Variants in MPP7 observed in about 807,000 individuals in gnomAD.
MPP7 encodes MAGUK p55 subfamily member 7.
MPP7 carries 60 observed loss-of-function variants against 76.5 expected under a neutral mutation model. That is an observed-to-expected ratio of 0.78 (90% CI 0.64 to 0.97). The LOEUF (loss-of-function observed/expected upper bound fraction) is 0.97. MPP7 is among the 50% of genes least tolerant of loss of function. The pLI, the probability that MPP7 is intolerant of heterozygous loss-of-function variation, is 0.00. For missense variants in MPP7, 641 were observed against 694.0 expected, an observed-to-expected ratio of 0.92 and a Z score of 0.86; for synonymous variants, 237 against 244.5, an observed-to-expected ratio of 0.97 and a Z score of 0.29.
intron 1 of MPP7, among the ~76,000 whole-genome samples, chr10:28,260,704 G>A (rs952152763): frequency 1.3e-5 from 2 of 150,354 alleles, no homozygotes; most frequent in East Asian, 1.9e-4. Context: ...CCTAGGAGGC[G>A]GAGGTTGCAG....
chr10:28,182,612 C>T (rs1314768964), intron 3 of MPP7, among the ~76,000 whole-genome samples: 1 of 152,178 alleles, frequency 6.6e-6, no homozygotes, highest in African/African-American at 2.4e-5. Flanking sequence ...GATTTCCAGA[C>T]ATATGACTCT....
Position 28,059,654 on chromosome 10 carries a change from T to C in MPP7, c.1294A>G (p.Asn432Asp). ...TTCTCAAAAATGTCCACATACTTGTTATTTTGTACATCTGTCTCAAACAAA... is the reference window on the plus strand; with the variant it reads ...TTCTCAAAAATGTCCACATACTTGTCATTTTGTACATCTGTCTCAAACAAA... ...KHLFETDVQN[N>D]KFIEYGEYKN... is the part of the protein sequence containing the mutation. Residue 432 changes from asparagine to aspartate, a missense_variant, in exon 14 of 17, where the codon AAC (asparagine) becomes GAC (aspartate). Asn to Asp is a conservative substitution (Grantham distance 23). Transcript: ENST00000683449. 7 of 1,610,290 alleles carry C rather than the reference T, an allele frequency of 4.3e-6. No individual in the cohort carries two copies. Among genetic ancestry groups the C allele is most frequent in the Non-Finnish European group, 5.9e-6 (7 of 1,176,860 alleles).
intron 1 of MPP7, 88 bp from the exon 2 acceptor site, chr10:28,238,823 A>C: frequency 3.4e-6 from 2 of 582,016 alleles, no homozygotes; most frequent in Non-Finnish European, 6.1e-6. Flanking sequence ...TTCTCATCCC[A>C]ATCACTATTG....
intron 2 of MPP7, among the ~76,000 whole-genome samples, chr10:28,316,641 T>G (rs1236623977): frequency 6.6e-5 from 10 of 152,022 alleles, no homozygotes; most frequent in Non-Finnish European, 1.2e-4. Context: ...TCTGTAAATC[T>G]AAAACTGCTC....
chr10:28,260,794 AT>A (rs1384099860), intron 1 of MPP7, among the ~76,000 whole-genome samples: 172 of 141,538 alleles, frequency 1.2e-3, no homozygotes, highest in African/African-American at 4.1e-3. Context: ...AAAAAAAAAA[AT>A]TTTTTTTAAA....
upstream of MPP7, among the ~76,000 whole-genome samples, chr10:28,305,221 G>A (rs1841245342): frequency 2.0e-5 from 3 of 152,214 alleles, no homozygotes; most frequent in Admixed American, 6.5e-5. Flanking sequence ...CAGGAACAGA[G>A]AGAAAGCCAG....
intron 3 of MPP7, among the ~76,000 whole-genome samples, chr10:28,152,590 C>T (rs116224641): frequency 0.016 from 2,430 of 152,300 alleles, 22 homozygotes; most frequent in African/African-American, 0.024. Context: ...CCACTGGCCA[C>T]GTGTGGCTTT....
intron 2 of MPP7, among the ~76,000 whole-genome samples, chr10:28,323,609 C>T (rs1017653817): frequency 1.3e-5 from 2 of 152,062 alleles, no homozygotes; most frequent in East Asian, 1.9e-4. Flanking sequence ...CTTGGGGAGG[C>T]TAAGGTGAAG....
intron 2 of MPP7, among the ~76,000 whole-genome samples, chr10:28,230,441 T>C (rs1838841712): frequency 6.6e-6 from 1 of 151,632 alleles, no homozygotes; most frequent in African/African-American, 2.4e-5. Flanking sequence ...TACTCAGTGC[T>C]AACAGAAAAA....
In MPP7 at chr10:28,182,865, G is replaced by T. The variant is rs538464553; in HGVS notation, c.156+19288C>A. On this transcript the variant is annotated intron_variant, in intron 3 of 16. Transcript: ENST00000683449. ...GGCCAAGGCGGGTGGATCACCTGAG[G>T]TCAGGAGTTCGAGACCATCCTGACC... Among the ~76,000 whole-genome samples, 4 of 152,316 alleles carry T rather than the reference G, an allele frequency of 2.6e-5. No homozygotes were observed. The East Asian group carries it at 7.7e-4, about 29-fold the overall frequency.
At chr10:28,176,335 G>A (rs1482699285) in intron 3 of MPP7, among the ~76,000 whole-genome samples, 1 of 147,096 alleles carries the variant, frequency 6.8e-6, no homozygotes, top group South Asian at 2.3e-4. Context: ...CAGTGCAGTT[G>A]GGTCAAAAAC....
chr10:28,276,844 A>G (rs1840515196), intron 1 of MPP7, among the ~76,000 whole-genome samples: 1 of 152,098 alleles, frequency 6.6e-6, no homozygotes, highest in Admixed American at 6.5e-5. Flanking sequence ...TAGGAATAAT[A>G]GCCCTATCGT....
At position 28,146,875 on chromosome 10, in the gene MPP7, A is replaced by G. The variant is rs77895411; in HGVS notation, c.315+608T>C. ...TGCAGTAATGACTTCAGAATAATGTAGGAAAATTCTGAAATGCCTGCTGTA... is the reference window on the plus strand; with the variant it reads ...TGCAGTAATGACTTCAGAATAATGTGGGAAAATTCTGAAATGCCTGCTGTA... On this transcript the variant is annotated intron_variant, in intron 5 of 16. Coordinates refer to ENST00000683449, the MANE Select transcript of MPP7 (RefSeq NM_001318170.2). Among the ~76,000 whole-genome samples, 944 of 152,322 alleles carry G rather than the reference A, an allele frequency of 6.2e-3. 15 individuals carry two copies. The highest frequency in any genetic ancestry group is 0.021 in the African/African-American group (873 of 41,568).
At chr10:28,221,569 C>T (rs181352366) in intron 2 of MPP7, among the ~76,000 whole-genome samples, 8 of 152,262 alleles carry the variant, frequency 5.3e-5, no homozygotes, top group Admixed American at 2.6e-4. Context: ...TAGATCCCCA[C>T]GTAATGAGGC....
At chr10:28,098,659 T>A (rs1358634792) in intron 11 of MPP7, among the ~76,000 whole-genome samples, 2 of 152,016 alleles carry the variant, frequency 1.3e-5, no homozygotes, top group African/African-American at 4.8e-5. Flanking sequence ...TGTGGTTATA[T>A]CAGCACGTAA....
intron 1 of MPP7, among the ~76,000 whole-genome samples, chr10:28,300,760 T>C (rs1384810817): frequency 6.6e-6 from 1 of 151,512 alleles, no homozygotes; most frequent in East Asian, 2.0e-4. Context: ...GAGACCAGCC[T>C]GGCCAACATA....
intron 2 of MPP7, among the ~76,000 whole-genome samples, chr10:28,209,401 C>A (rs914884904): frequency 6.7e-6 from 1 of 149,824 alleles, no homozygotes; most frequent in African/African-American, 2.5e-5. Context: ...CCCAGGAGTT[C>A]AAGGCTGCAG....
At chr10:28,151,314 C>A (rs4749310) in intron 3 of MPP7, among the ~76,000 whole-genome samples, 19,687 of 152,076 alleles carry the variant, frequency 0.13, 1,606 homozygotes, top group East Asian at 0.37. Flanking sequence ...TGTATCATAA[C>A]AAGGTAATAA....
chr10:28,229,602 A>T (rs1328973448), intron 2 of MPP7, among the ~76,000 whole-genome samples: 1 of 152,176 alleles, frequency 6.6e-6, no homozygotes, highest in Non-Finnish European at 1.5e-5. Flanking sequence ...TAAAACTGTG[A>T]CAATGGGCCA....
Sources: gnomAD v4.1 joint callset for allele counts (sites outside exome capture counted in the v4.1 genomes callset) on GRCh38, gnomAD v4.1.1 for gene constraint, MANE v1.5 for transcripts, NCBI Gene and HGNC (gene_info 2026-07-23, HGNC 2026-07-21) for gene names.